The following HECW1 variants were observed in gnomAD, a reference collection of about 807,000 sequenced individuals.
The protein encoded by HECW1 is E3 ubiquitin-protein ligase HECW1.
A neutral mutation model predicts 182.3 loss-of-function variants in HECW1; 61 were observed. The observed-to-expected ratio is 0.33, with a 90% CI of 0.27 to 0.41. The LOEUF is 0.41. HECW1 is among the 10% of genes least tolerant of loss of function. The probability of loss-of-function intolerance (pLI) is 1.00; values close to 1 mark genes in which losing one functional copy is unlikely to be tolerated. For missense variants in HECW1, 1,739 were observed against 2,108.9 expected, an observed-to-expected ratio of 0.82 and a Z score of 3.44; for synonymous variants, 859 against 832.6, an observed-to-expected ratio of 1.03 and a Z score of -0.55.
intron 5 of HECW1, among the ~76,000 whole-genome samples, chr7:43,341,307 TATAAATAAATAA>T (rs61727601): frequency 0.019 from 2,780 of 148,668 alleles, 53 homozygotes; most frequent in African/African-American, 0.03. Context: ...CTTACAGTAT[TATAAATAAATAA>T]ATAAATAAAT....
At chr7:43,258,466 G>A (rs2301871) in intron 3 of HECW1, 55,808 of 152,048 alleles carry the variant, frequency 0.37, 11,475 homozygotes, top group African/African-American at 0.56. Flanking sequence ...CTAGTGTAGC[G>A]TGCCAATAAA....
At chr7:43,489,882 T>A (rs925771253) in intron 17 of HECW1, among the ~76,000 whole-genome samples, 1 of 152,232 alleles carries the variant, frequency 6.6e-6, no homozygotes, top group Non-Finnish European at 1.5e-5. Context: ...TAAGTGGCCG[T>A]TTGGAACTGA....
chr7:43,182,867 T>C (rs1793004323), intron 2 of HECW1, among the ~76,000 whole-genome samples: 1 of 152,200 alleles, frequency 6.6e-6, no homozygotes, highest in Non-Finnish European at 1.5e-5. Context: ...CATCAGAGTT[T>C]TATGGTTTTA....
chr7:43,181,851 G>A (rs533025850), intron 2 of HECW1, among the ~76,000 whole-genome samples: 4 of 150,702 alleles, frequency 2.7e-5, no homozygotes, highest in Non-Finnish European at 2.9e-5. Context: ...GCAGTGGTGC[G>A]ATCTCCACTC....
intron 15 of HECW1, among the ~76,000 whole-genome samples, chr7:43,467,180 G>A (rs1035036225): frequency 2.0e-5 from 3 of 152,148 alleles, no homozygotes; most frequent in Admixed American, 6.5e-5. Context: ...GACACCTAAA[G>A]AGTAGGAGTT....
At chr7:43,521,790 C>T (rs548240581) in intron 24 of HECW1, among the ~76,000 whole-genome samples, 68 of 152,322 alleles carry the variant, frequency 4.5e-4, no homozygotes, top group African/African-American at 1.3e-3. Context: ...GCAGGAGAAT[C>T]GCTTGAACCT....
intron 6 of HECW1, among the ~76,000 whole-genome samples, chr7:43,381,812 C>T (rs2074562995): frequency 6.6e-6 from 1 of 152,060 alleles, no homozygotes; most frequent in African/African-American, 2.4e-5. Flanking sequence ...GTGTGAGCCA[C>T]CACACCTGGC....
At chr7:43,377,016 G>A (rs188046227) in intron 6 of HECW1, among the ~76,000 whole-genome samples, 48 of 152,122 alleles carry the variant, frequency 3.2e-4, no homozygotes, top group Admixed American at 2.0e-3. Flanking sequence ...TACTTCCCAA[G>A]GATCTCACAG....
intron 14 of HECW1, among the ~76,000 whole-genome samples, chr7:43,464,669 C>T (rs539116517): frequency 3.6e-4 from 55 of 152,226 alleles, no homozygotes; most frequent in Non-Finnish European, 6.2e-4. Context: ...CTGTCTACAG[C>T]AATGCAGAAT....
intron 24 of HECW1, among the ~76,000 whole-genome samples, chr7:43,538,065 C>G (rs2081241406): frequency 6.6e-6 from 1 of 152,162 alleles, no homozygotes; most frequent in African/African-American, 2.4e-5. Context: ...AGATTTCTTC[C>G]CTGGTTGCTC....
chr7:43,302,455 G>A (rs1446913616), intron 3 of HECW1, among the ~76,000 whole-genome samples: 7 of 152,228 alleles, frequency 4.6e-5, no homozygotes, highest in Non-Finnish European at 1.0e-4. Context: ...TTGTGGGTTG[G>A]CTTTTGGAGA....
At chr7:43,367,803 G>A (rs1488954984) in intron 6 of HECW1, among the ~76,000 whole-genome samples, 2 of 152,172 alleles carry the variant, frequency 1.3e-5, no homozygotes, top group Non-Finnish European at 1.5e-5. Flanking sequence ...TAAGTTGATG[G>A]TTAGATATCA....
At chr7:43,134,379 G>A (rs1337454082) in intron 2 of HECW1, among the ~76,000 whole-genome samples, 1 of 112,026 alleles carries the variant, frequency 8.9e-6, no homozygotes, top group Non-Finnish European at 1.7e-5. Flanking sequence ...GGGTAAGAGA[G>A]TGAGACTCTG....
At chr7:43,254,789 CT>C (rs11360449) in intron 3 of HECW1, among the ~76,000 whole-genome samples, 20,886 of 152,204 alleles carry the variant, frequency 0.14, 3,169 homozygotes, top group African/African-American at 0.38. Context: ...CTACTCTCTA[CT>C]TTTGAAAACC....
At position 43,151,441 on chromosome 7, in the gene HECW1, G is replaced by A. The variant is rs919123710; in HGVS notation, c.-32+37050G>A. On this transcript the variant is annotated intron_variant, in intron 2 of 29. Coordinates refer to ENST00000395891, the MANE Select transcript of HECW1 (RefSeq NM_015052.5). ...CTTTAAGAAAAGCAGCAGATCAGAT[G>A]GGTTGGGGGAAGATGTGAAGTGTTT... Among the ~76,000 whole-genome samples, 10 of 152,192 alleles carry A rather than the reference G, an allele frequency of 6.6e-5. No homozygotes were observed. In the East Asian group the frequency reaches 1.7e-3, roughly 26 times the overall value.
rs548994130 is a variant in HECW1, at chr7:43,564,598, ATGTCACGGTCACC to A, written c.*2675_*2687del. On this transcript the variant is annotated 3_prime_UTR_variant, in exon 30 of 30. Coordinates refer to ENST00000395891, the MANE Select transcript of HECW1 (RefSeq NM_015052.5). ...TGCAAAATTTCATGAAGAAATGCTG[ATGTCACGGTCACC>A]TGAAAGAAGATGAAGCTTGTAATAT... 7.1e-4 allele frequency: 132 copies of A among 184,676 alleles called. 4 individuals carry two copies. In the East Asian group the frequency reaches 0.012, roughly 16 times the overall value. The allele number at this position is 184,676 out of a possible 1,614,324, so 11.4% of individuals were successfully genotyped here.
intron 24 of HECW1, among the ~76,000 whole-genome samples, chr7:43,535,192 G>A (rs139362763): frequency 2.0e-5 from 3 of 152,300 alleles, no homozygotes; most frequent in Admixed American, 6.5e-5. Flanking sequence ...TCAACAAACA[G>A]CAATGCGCTG....
intron 21 of HECW1, among the ~76,000 whole-genome samples, 186 bp from the exon 22 acceptor site, chr7:43,506,951 T>C (rs2079602093): frequency 6.6e-6 from 1 of 152,080 alleles, no homozygotes; most frequent in African/African-American, 2.4e-5. Context: ...ACACCTATGA[T>C]CCCAGCTACT....
In HECW1 at chr7:43,507,163, C is replaced by T; in HGVS notation, c.3658C>T (p.Pro1220Ser). 6.2e-7 allele frequency: 1 copy of T among 1,613,976 alleles called. No individual in the cohort carries two copies. Among genetic ancestry groups the T allele is most frequent in the Non-Finnish European group, 8.5e-7 (1 of 1,179,890 alleles). The change falls in exon 22 of 30, where the codon CCT becomes TCT. Residue 1220 changes from proline to serine, a missense_variant. By Grantham distance (74) the Pro-to-Ser change is moderately conservative. Transcript: ENST00000395891. ...PGLQRASARA[P>S]SPYRRDFEAK... is the part of the protein sequence containing the mutation. ...TTTACAGAGAGCCAGTGCAAGAGCCCCTTCCCCCTACCGAAGAGACTTTGA... is the reference window on the plus strand; with the variant it reads ...TTTACAGAGAGCCAGTGCAAGAGCCTCTTCCCCCTACCGAAGAGACTTTGA...
Sources: allele counts gnomAD v4.1 joint callset (sites outside exome capture counted in the v4.1 genomes callset), GRCh38; gene constraint gnomAD v4.1.1; transcripts MANE v1.5; gene names NCBI Gene and HGNC (gene_info 2026-07-23, HGNC 2026-07-21).